ZC2HC1B: variants seen among roughly 807,000 people sequenced by gnomAD.
ZC2HC1B encodes zinc finger C2HC-type containing 1B.
ZC2HC1B carries 36 observed loss-of-function variants against 31.0 expected under a neutral mutation model. That is an observed-to-expected ratio of 1.16 (90% CI 0.89 to 1.54). ZC2HC1B has a LOEUF of 1.54. Ranked by LOEUF, ZC2HC1B falls within the 40% of genes most tolerant of loss-of-function variation. The pLI is 0.00. For missense variants in ZC2HC1B, 260 were observed against 268.6 expected (o/e 0.97, Z 0.22); for synonymous variants, 73 against 88.0 (o/e 0.83, Z 0.95).
rs1777762181 is a variant in ZC2HC1B, at chr6:143,903,692, G to A, written c.598+540G>A. ...GTATCCACAGGGGATTGGTCCCAGG[G>A]CCCTAGTGGGTACCAAAACCTGAGA... On this transcript the variant is annotated intron_variant, in intron 6 of 7. Coordinates refer to ENST00000237275, the MANE Select transcript of ZC2HC1B (RefSeq NM_001013623.3). The surrounding 1 kb of genome is among the most constrained non-coding windows in gnomAD (Gnocchi z 4.3). 6.6e-6 allele frequency among the ~76,000 whole-genome samples: 1 copy of A among 152,122 alleles called. No individual in the cohort carries two copies. Among genetic ancestry groups the A allele is most frequent in the African/African-American group, 2.4e-5 (1 of 41,424 alleles).
intron 6 of ZC2HC1B, among the ~76,000 whole-genome samples, chr6:143,910,199 A>G (rs914049239): frequency 1.3e-5 from 2 of 152,150 alleles, no homozygotes; most frequent in Non-Finnish European, 2.9e-5. Flanking sequence ...TGTAGTGTTC[A>G]GTTTCCATGT....
chr6:143,875,810 G>T (rs1161030349), intron 1 of ZC2HC1B, among the ~76,000 whole-genome samples: 1 of 150,480 alleles, frequency 6.6e-6, no homozygotes, highest in African/African-American at 2.5e-5. Context: ...CATCACTGTT[G>T]CCTCAGGCAG....
At chr6:143,914,927 G>A (rs1777900114) in intron 6 of ZC2HC1B, among the ~76,000 whole-genome samples, 1 of 152,164 alleles carries the variant, frequency 6.6e-6, no homozygotes, top group Admixed American at 6.5e-5. Context: ...TAGGCAGCAT[G>A]TAGTTTTATT....
In ZC2HC1B at chr6:143,886,631, A is replaced by C; in HGVS notation, c.211-52A>C. 1 of 1,393,926 alleles carries C rather than the reference A, an allele frequency of 7.2e-7. No individual in the cohort carries two copies. The highest frequency in any genetic ancestry group is 9.4e-7 in the Non-Finnish European group (1 of 1,068,348). The allele number at this position is 1,393,926 out of a possible 1,614,324, so 86.3% of individuals were successfully genotyped here. Reference sequence around the variant, plus strand: ...AAATTCCAGCTTTAAACAAAATTGTAATGGAGAGGTATATAGTCTAGGGTA... The same window carrying C: ...AAATTCCAGCTTTAAACAAAATTGTCATGGAGAGGTATATAGTCTAGGGTA... On this transcript the variant is annotated intron_variant, in intron 3 of 7. Coordinates refer to ENST00000237275, the MANE Select transcript of ZC2HC1B (RefSeq NM_001013623.3). This position sits in a 1 kb window ranked among gnomAD's most constrained non-coding sequence, Gnocchi z 4.2.
intron 6 of ZC2HC1B, among the ~76,000 whole-genome samples, chr6:143,907,170 C>T (rs532518042): frequency 6.6e-6 from 1 of 152,190 alleles, no homozygotes; most frequent in South Asian, 2.1e-4. Flanking sequence ...TTTTCTTTAT[C>T]CAGTCTATCA....
At chr6:143,893,167 C>T (rs1777620365) in intron 4 of ZC2HC1B, among the ~76,000 whole-genome samples, 1 of 152,084 alleles carries the variant, frequency 6.6e-6, no homozygotes. Context: ...ACAGACACAT[C>T]ACAAAATAAT....
At position 143,934,954 on chromosome 6, in the gene ZC2HC1B, C is replaced by T. The variant is rs947879825; in HGVS notation, c.599-2695C>T. Among the ~76,000 whole-genome samples, 23 of 151,984 alleles carry T rather than the reference C, an allele frequency of 1.5e-4. No homozygotes were observed. Among genetic ancestry groups the T allele is most frequent in the Admixed American group, 4.6e-4 (7 of 15,268 alleles). On this transcript the variant is annotated intron_variant, in intron 6 of 7. Coordinates refer to ENST00000237275, the MANE Select transcript of ZC2HC1B (RefSeq NM_001013623.3). The surrounding 1 kb of genome is among the most constrained non-coding windows in gnomAD (Gnocchi z 4.6). ...TGGCTTGCTCAGGTGCCAGCAGTGG[C>T]GATGGTGGGTGGCTCTTCAGGTTCC... is the stretch of plus-strand genomic sequence containing the variant.
chr6:143,912,273 C>T (rs1029056315), intron 6 of ZC2HC1B, among the ~76,000 whole-genome samples: 1 of 152,206 alleles, frequency 6.6e-6, no homozygotes, highest in African/African-American at 2.4e-5. Context: ...TCATTTCAAC[C>T]ATCTCAGCCT....
chr6:143,889,763 G>C (rs770597121), intron 4 of ZC2HC1B, among the ~76,000 whole-genome samples: 4 of 152,034 alleles, frequency 2.6e-5, no homozygotes, highest in Non-Finnish European at 5.9e-5. Context: ...ATACACAGCA[G>C]GAAAATCAGT....
intron 4 of ZC2HC1B, among the ~76,000 whole-genome samples, chr6:143,894,007 A>C (rs1163221156): frequency 1.3e-5 from 2 of 152,214 alleles, no homozygotes; most frequent in Non-Finnish European, 2.9e-5. Context: ...TTTCTTAATA[A>C]GTTAAACATA....
At position 143,929,970 on chromosome 6, in the gene ZC2HC1B, ATCT is replaced by A. The variant is rs144570736; in HGVS notation, c.599-7674_599-7672del. The stretch of plus-strand genomic sequence containing the variant: ...TTCTTTTCTGATTGTGCTTATTTGA[ATCT>A]TCTTTCTTCCTTCCTAGGTTAGTTG... On this transcript the variant is annotated intron_variant, in intron 6 of 7. Transcript: ENST00000237275. Among the ~76,000 whole-genome samples the A allele has an allele frequency of 2.1e-3, 315 of 150,044 alleles. 6 individuals carry two copies. The East Asian group carries it at 0.039, about 18-fold the overall frequency.
chr6:143,914,489 A>G (rs1296147292), intron 6 of ZC2HC1B, among the ~76,000 whole-genome samples: 5 of 152,200 alleles, frequency 3.3e-5, no homozygotes, highest in Non-Finnish European at 7.3e-5. Context: ...GTGGCCTAAC[A>G]TGTGGTTCAT....
In ZC2HC1B at chr6:143,921,558, A is replaced by G. The variant is rs183281575; in HGVS notation, c.599-16091A>G. ...AGAATTATCATGTTAATTAGCTTTA[A>G]GAGATAGCTTTGTTTTATTTCAAGC... On this transcript the variant is annotated intron_variant, in intron 6 of 7. Transcript: ENST00000237275. The surrounding 1 kb of genome is among the most constrained non-coding windows in gnomAD (Gnocchi z 6.1). Among the ~76,000 whole-genome samples, 169 of 152,334 alleles carry G rather than the reference A, an allele frequency of 1.1e-3. 2 individuals are homozygous for G. The highest frequency in any genetic ancestry group is 3.7e-3 in the African/African-American group (153 of 41,582).
rs1199656559 is a variant in ZC2HC1B at position 143,908,894 on chromosome 6, T to A, written c.598+5742T>A. Among the ~76,000 whole-genome samples, 2 of 152,208 alleles carry A rather than the reference T, an allele frequency of 1.3e-5. No homozygotes were observed. The highest frequency in any genetic ancestry group is 6.5e-5 in the Admixed American group (1 of 15,278). On this transcript the variant is annotated intron_variant, in intron 6 of 7. Coordinates refer to ENST00000237275, the MANE Select transcript of ZC2HC1B (RefSeq NM_001013623.3). This position sits in a 1 kb window ranked among gnomAD's most constrained non-coding sequence, Gnocchi z 4.4. ...AATCTTCCAGCTTTTGCCGAATCAGTATGATATTGGCTGTGGGTTTGTCAT... is the reference window on the plus strand; with the variant it reads ...AATCTTCCAGCTTTTGCCGAATCAGAATGATATTGGCTGTGGGTTTGTCAT...
At chr6:143,920,370 T>C (rs1777973175) in intron 6 of ZC2HC1B, among the ~76,000 whole-genome samples, 1 of 152,188 alleles carries the variant, frequency 6.6e-6, no homozygotes. Context: ...AAGAATTTCC[T>C]TCCTTGAACT....
rs1777990720 is a variant in ZC2HC1B, at chr6:143,922,076, G to C, written c.599-15573G>C. Among the ~76,000 whole-genome samples, 1 of 152,204 alleles carries C rather than the reference G, an allele frequency of 6.6e-6. No individual in the cohort carries two copies. The highest frequency in any genetic ancestry group is 2.1e-4 in the South Asian group (1 of 4,832). ...AAAGTGTTTAAGGACTTGGAGAAAAGTACCAAATGCCTTTCGTTGATACAA... is the reference window on the plus strand; with the variant it reads ...AAAGTGTTTAAGGACTTGGAGAAAACTACCAAATGCCTTTCGTTGATACAA... On this transcript the variant is annotated intron_variant, in intron 6 of 7. Coordinates refer to ENST00000237275, the MANE Select transcript of ZC2HC1B (RefSeq NM_001013623.3). This position sits in a 1 kb window ranked among gnomAD's most constrained non-coding sequence, Gnocchi z 5.0.
chr6:143,937,145 C>T (rs1292768369), intron 6 of ZC2HC1B, among the ~76,000 whole-genome samples: 1 of 152,086 alleles, frequency 6.6e-6, no homozygotes. Flanking sequence ...TGTGTATCTC[C>T]ATACCTAACA....
rs1189138935 is a variant in ZC2HC1B, at chr6:143,924,042, G to A, written c.599-13607G>A. On this transcript the variant is annotated intron_variant, in intron 6 of 7. Coordinates refer to ENST00000237275, the MANE Select transcript of ZC2HC1B (RefSeq NM_001013623.3). This position sits in a 1 kb window ranked among gnomAD's most constrained non-coding sequence, Gnocchi z 5.2. ...ATCTGTAGATTGCTTTGGGTAGTATGGTCATTTTAACAATAGTAATTCTTC... is the reference window on the plus strand; with the variant it reads ...ATCTGTAGATTGCTTTGGGTAGTATAGTCATTTTAACAATAGTAATTCTTC... Among the ~76,000 whole-genome samples, 1 of 151,812 alleles carries A rather than the reference G, an allele frequency of 6.6e-6. No homozygotes were observed. Among genetic ancestry groups the A allele is most frequent in the African/African-American group, 2.4e-5 (1 of 41,352 alleles).
At chr6:143,875,122 CA>C (rs1198184756) in intron 1 of ZC2HC1B, among the ~76,000 whole-genome samples, 2 of 152,164 alleles carry the variant, frequency 1.3e-5, no homozygotes, top group African/African-American at 4.8e-5. Context: ...CATGAGCCAC[CA>C]CTGCACCTGG....
Sources: allele counts gnomAD v4.1 joint callset (sites outside exome capture counted in the v4.1 genomes callset), GRCh38; gene constraint gnomAD v4.1.1; non-coding constraint Gnocchi (gnomAD v3.1); transcripts MANE v1.5; gene names NCBI Gene and HGNC (gene_info 2026-07-23, HGNC 2026-07-21).